PTPRD: variants seen among roughly 807,000 people sequenced by gnomAD.
PTPRD encodes the protein protein tyrosine phosphatase receptor type D.
In PTPRD, 34 loss-of-function variants were observed where a neutral mutation model predicts 214.5. The observed-to-expected ratio is 0.16, with a 90% CI of 0.12 to 0.21. The LOEUF is 0.21. Among genes scored for constraint, PTPRD ranks in the 10% least tolerant of loss-of-function variants. The pLI, the probability that PTPRD is intolerant of heterozygous loss-of-function variation, is 1.00. For synonymous variants in PTPRD, 1,128 were observed against 845.7 expected (o/e 1.33, Z -5.79); for missense variants, 2,545 against 2,398.7 (o/e 1.06, Z -1.27).
intron 4 of PTPRD, among the ~76,000 whole-genome samples, chr9:10,018,969 C>G (rs1336820140): frequency 6.6e-6 from 1 of 152,110 alleles, no homozygotes; most frequent in Non-Finnish European, 1.5e-5. Context: ...GCAAAAGAAA[C>G]TACCATCAGA....
chr9:10,093,962 G>A (rs936742561), intron 3 of PTPRD, among the ~76,000 whole-genome samples: 2 of 151,156 alleles, frequency 1.3e-5, no homozygotes, highest in African/African-American at 4.8e-5. Context: ...TGGATGAGTG[G>A]GCTAAAAAAT....
At chr9:10,407,701 C>A (rs1187592135) in intron 2 of PTPRD, among the ~76,000 whole-genome samples, 2 of 151,366 alleles carry the variant, frequency 1.3e-5, no homozygotes, top group Admixed American at 6.6e-5. Context: ...AAATTCATGA[C>A]CTATTTTGAT....
At chr9:8,449,997 C>T (rs577253497) in intron 33 of PTPRD, among the ~76,000 whole-genome samples, 160 bp from the exon 34 acceptor site, 1 of 152,086 alleles carries the variant, frequency 6.6e-6, no homozygotes, top group Non-Finnish European at 1.5e-5. Flanking sequence ...GCTTTTCCCC[C>T]CTGGCCTAAT....
At chr9:10,434,804 C>A (rs1566012715) in intron 2 of PTPRD, among the ~76,000 whole-genome samples, 1 of 151,820 alleles carries the variant, frequency 6.6e-6, no homozygotes, top group Non-Finnish European at 1.5e-5. Flanking sequence ...TTATTATATG[C>A]AGTTATAGTC....
chr9:9,134,824 T>TGTGTGTGTGTGTGTG (rs1399497518), intron 10 of PTPRD, among the ~76,000 whole-genome samples: 1 of 152,104 alleles, frequency 6.6e-6, no homozygotes, highest in African/African-American at 2.4e-5. Flanking sequence ...TGTGTGTGTG[T>TGTGTGTGTGTGTGTG]TTTCACTCTA....
Position 9,895,268 on chromosome 9 carries a change from C to A in PTPRD, c.-368+43239G>T, listed in dbSNP as rs79979597. On this transcript the variant is annotated intron_variant, in intron 5 of 45. Transcript: ENST00000381196. Reference sequence around the variant, plus strand: ...TGTTACCAGTAAGAGAAAAAAGGAACAGAAAATAAAATATAAAATACACCT... The same window carrying A: ...TGTTACCAGTAAGAGAAAAAAGGAAAAGAAAATAAAATATAAAATACACCT... Among the ~76,000 whole-genome samples the A allele has an allele frequency of 7.9e-3, 1,193 of 151,906 alleles. 18 individuals are homozygous for A. Among genetic ancestry groups the A allele is most frequent in the African/African-American group, 0.028 (1,141 of 41,464 alleles).
intron 9 of PTPRD, among the ~76,000 whole-genome samples, chr9:9,188,924 A>G (rs1225363446): frequency 6.6e-6 from 1 of 152,048 alleles, no homozygotes; most frequent in Non-Finnish European, 1.5e-5. Context: ...CTCTTTACAC[A>G]GGAAAATCAT....
intron 11 of PTPRD, among the ~76,000 whole-genome samples, chr9:8,998,487 G>T (rs2099405559): frequency 6.6e-6 from 1 of 151,942 alleles, no homozygotes; most frequent in Non-Finnish European, 1.5e-5. Context: ...GAGACCTACT[G>T]CTTAGAAAAG....
chr9:8,940,275 C>CCTTT (rs2099023436), intron 11 of PTPRD, among the ~76,000 whole-genome samples: 3 of 27,978 alleles, frequency 1.1e-4, no homozygotes, highest in Non-Finnish European at 1.6e-4. Context: ...CTCTCTCTCT[C>CCTTT]TCTCCTTTTT....
At chr9:8,476,739 A>G (rs183393250) in intron 30 of PTPRD, among the ~76,000 whole-genome samples, 352 of 152,284 alleles carry the variant, frequency 2.3e-3, no homozygotes, top group Middle Eastern at 0.01. Flanking sequence ...TAACTTTGCT[A>G]TTTTATCATG....
At chr9:10,296,998 T>G (rs1209206820) in intron 3 of PTPRD, among the ~76,000 whole-genome samples, 1 of 151,452 alleles carries the variant, frequency 6.6e-6, no homozygotes, top group Non-Finnish European at 1.5e-5. Flanking sequence ...CTTCAAACAG[T>G]GCTACTCATA....
intron 3 of PTPRD, among the ~76,000 whole-genome samples, chr9:10,196,017 A>G (rs1283666925): frequency 6.6e-6 from 1 of 152,162 alleles, no homozygotes; most frequent in Non-Finnish European, 1.5e-5. Flanking sequence ...AGGGGGATTG[A>G]CTATAGAAAG....
At chr9:10,456,148 T>C (rs191247240) in intron 2 of PTPRD, among the ~76,000 whole-genome samples, 4 of 151,930 alleles carry the variant, frequency 2.6e-5, no homozygotes, top group African/African-American at 7.2e-5. Context: ...GTTCCATTCA[T>C]AAAACCCGAT....
intron 11 of PTPRD, among the ~76,000 whole-genome samples, chr9:8,801,827 T>C (rs1007709829): frequency 6.6e-6 from 1 of 152,208 alleles, no homozygotes; most frequent in Non-Finnish European, 1.5e-5. Flanking sequence ...CTGACCTCTG[T>C]TTAGTCTCAA....
chr9:9,789,496 G>T (rs2098950977), intron 5 of PTPRD, among the ~76,000 whole-genome samples: 1 of 152,040 alleles, frequency 6.6e-6, no homozygotes, highest in African/African-American at 2.4e-5. Context: ...TATTCCCTAG[G>T]TGATTAAAAC....
At chr9:9,608,947 T>A (rs2094351765) in intron 7 of PTPRD, among the ~76,000 whole-genome samples, 1 of 152,194 alleles carries the variant, frequency 6.6e-6, no homozygotes, top group Non-Finnish European at 1.5e-5. Context: ...CTTCCCTTTG[T>A]TCTGATTCTT....
chr9:10,449,842 C>T (rs1251138453), intron 2 of PTPRD, among the ~76,000 whole-genome samples: 2 of 151,760 alleles, frequency 1.3e-5, no homozygotes, highest in East Asian at 1.9e-4. Flanking sequence ...CAGATTGTTA[C>T]TGTGTCTGTA....
At chr9:8,830,505 CATG>C (rs2097265717) in intron 11 of PTPRD, among the ~76,000 whole-genome samples, 1 of 152,070 alleles carries the variant, frequency 6.6e-6, no homozygotes, top group Non-Finnish European at 1.5e-5. Flanking sequence ...GTCATCGAAT[CATG>C]GACAGATGAG....
Position 8,743,124 on chromosome 9 carries a change from GA to G in PTPRD, c.-103-9179del, listed in dbSNP as rs1463744690. ...CAAATTAAAAAAAAAAGGGGGGGGGGACTTTTAAGACATAATCTAATACATT... is the reference window on the plus strand; with the variant it reads ...CAAATTAAAAAAAAAAGGGGGGGGGGCTTTTAAGACATAATCTAATACATT... On this transcript the variant is annotated intron_variant, in intron 11 of 45. Coordinates refer to ENST00000381196, the MANE Select transcript of PTPRD (RefSeq NM_002839.4). Among the ~76,000 whole-genome samples, 248 of 143,876 alleles carry G rather than the reference GA, an allele frequency of 1.7e-3. 1 individual carries two copies. Among genetic ancestry groups the G allele is most frequent in the African/African-American group, 5.8e-3 (232 of 39,936 alleles). The allele number at this position is 143,876 out of a possible 152,430, so 94.4% of individuals were successfully genotyped here.
Sources: allele counts gnomAD v4.1 joint callset (sites outside exome capture counted in the v4.1 genomes callset), GRCh38; gene constraint gnomAD v4.1.1; transcripts MANE v1.5; gene names NCBI Gene and HGNC (gene_info 2026-07-23, HGNC 2026-07-21).